Variants in LRRC37A2 observed in about 807,000 individuals in gnomAD.
LRRC37A2 encodes the protein leucine rich repeat containing 37 member A2.
In LRRC37A2, 9 loss-of-function variants were observed where a neutral mutation model predicts 68.8. That is an observed-to-expected ratio of 0.13 (90% CI 0.08 to 0.23). LRRC37A2 has a LOEUF of 0.23. Among genes scored for constraint, LRRC37A2 ranks in the 10% least tolerant of loss-of-function variants. LRRC37A2 has a pLI of 1.00. For synonymous variants in LRRC37A2, 63 were observed against 367.6 expected (o/e 0.17, Z 9.48); for missense variants, 168 against 950.4 (o/e 0.18, Z 10.82).
chr17:46,965,803 T>A, the LRRC37A2 span, among the ~76,000 whole-genome samples: 1 of 151,708 alleles, frequency 6.6e-6, no homozygotes, highest in South Asian at 2.1e-4. Context: ...TTGTATTTTT[T>A]TTTTTTTTGT....
chr17:47,033,979 A>G, the LRRC37A2 span, among the ~76,000 whole-genome samples: 1 of 152,224 alleles, frequency 6.6e-6, no homozygotes, highest in South Asian at 2.1e-4. Flanking sequence ...AGTGCACCTT[A>G]GTTTAATGTA....
chr17:46,431,981 G>A, the LRRC37A2 span, among the ~76,000 whole-genome samples: 2 of 13,962 alleles, frequency 1.4e-4, no homozygotes, highest in African/African-American at 1.6e-4. Context: ...GTTTTCTCCC[G>A]CGTTACTCCC....
chr17:46,882,401 C>T, the LRRC37A2 span, among the ~76,000 whole-genome samples: 1 of 152,154 alleles, frequency 6.6e-6, no homozygotes, highest in Non-Finnish European at 1.5e-5. Flanking sequence ...AACATTTTGG[C>T]AATAAGCTGC....
At chr17:46,859,086 T>C in the LRRC37A2 span, among the ~76,000 whole-genome samples, 3,702 of 150,700 alleles carry the variant, frequency 0.025, 152 homozygotes, top group African/African-American at 0.086. Flanking sequence ...AAGTGATTCT[T>C]CTGACTCAGC....
At chr17:47,027,750 C>T in the LRRC37A2 span, 1 of 556,204 alleles carries the variant, frequency 1.8e-6, no homozygotes, top group Non-Finnish European at 3.3e-6. Context: ...AATTATACAG[C>T]AAATCCTTTT....
At chr17:46,879,586 GGCCACATTACTGTGGC>G in the LRRC37A2 span, among the ~76,000 whole-genome samples, 1 of 152,172 alleles carries the variant, frequency 6.6e-6, no homozygotes, top group African/African-American at 2.4e-5. Context: ...AGGTAGGTGG[GGCCACATTACTGTGGC>G]CATTTTATAG....
the LRRC37A2 span, chr17:46,763,186 A>G: frequency 3.3e-5 from 5 of 152,024 alleles, no homozygotes; most frequent in African/African-American, 1.2e-4. Flanking sequence ...GAGAAAGAAA[A>G]ATCTTTGTTC....
At chr17:46,802,509 C>T in the LRRC37A2 span, among the ~76,000 whole-genome samples, 1 of 152,154 alleles carries the variant, frequency 6.6e-6, no homozygotes. Flanking sequence ...CTCAGATGAT[C>T]CACCTGCCTC....
the LRRC37A2 span, among the ~76,000 whole-genome samples, chr17:46,887,920 A>G: frequency 1.3e-5 from 2 of 152,132 alleles, no homozygotes; most frequent in African/African-American, 4.8e-5. Context: ...AGACAGATAA[A>G]CAAGTCATCA....
At chr17:46,953,996 G>T in the LRRC37A2 span, among the ~76,000 whole-genome samples, 78 of 152,162 alleles carry the variant, frequency 5.1e-4, no homozygotes, top group African/African-American at 1.4e-3. Flanking sequence ...GCCTGTTCAC[G>T]CTGATGGTAG....
the LRRC37A2 span, among the ~76,000 whole-genome samples, chr17:46,715,431 A>G: frequency 6.6e-6 from 1 of 152,188 alleles, no homozygotes; most frequent in South Asian, 2.1e-4. Context: ...TAGCTGTTGA[A>G]TGTCCCATTT....
chr17:46,765,955 A>G, the LRRC37A2 span, among the ~76,000 whole-genome samples: 4 of 152,248 alleles, frequency 2.6e-5, no homozygotes. Context: ...CACTGGTCAC[A>G]GAGTGAGGCC....
At chr17:46,989,073 G>A in the LRRC37A2 span, among the ~76,000 whole-genome samples, 63 of 152,144 alleles carry the variant, frequency 4.1e-4, no homozygotes, top group Non-Finnish European at 7.6e-4. Context: ...ACCCCTGCTC[G>A]AGCATAGGAA....
the LRRC37A2 span, among the ~76,000 whole-genome samples, chr17:46,820,520 A>G: frequency 2.2e-4 from 34 of 152,182 alleles, no homozygotes; most frequent in South Asian, 6.9e-3. Flanking sequence ...CAAGGCGAAG[A>G]AAAATCGTGA....
At chr17:46,809,383 A>G in the LRRC37A2 span, among the ~76,000 whole-genome samples, 1 of 152,206 alleles carries the variant, frequency 6.6e-6, no homozygotes, top group East Asian at 1.9e-4. Context: ...CTGGCAGATA[A>G]GTGGGACTCT....
At chr17:46,943,166 C>G in the LRRC37A2 span, among the ~76,000 whole-genome samples, 280 of 152,290 alleles carry the variant, frequency 1.8e-3, no homozygotes, top group African/African-American at 6.3e-3. Context: ...CATGCACTTC[C>G]CCTGGCCGCA....
the LRRC37A2 span, among the ~76,000 whole-genome samples, chr17:47,014,947 T>G: frequency 1.3e-5 from 2 of 151,814 alleles, no homozygotes; most frequent in South Asian, 2.1e-4. Context: ...ACCACATATA[T>G]GATGGTGGTT....
chr17:46,961,042 AGGTG>A, the LRRC37A2 span, among the ~76,000 whole-genome samples: 1 of 152,196 alleles, frequency 6.6e-6, no homozygotes, highest in African/African-American at 2.4e-5. Flanking sequence ...AAAAAAAACA[AGGTG>A]GGAATAAAAT....
chr17:46,845,438 T>C, the LRRC37A2 span, among the ~76,000 whole-genome samples: 1 of 151,726 alleles, frequency 6.6e-6, no homozygotes, highest in African/African-American at 2.4e-5. Context: ...ATATGTCACC[T>C]GACATACATG....
Sources: gnomAD v4.1 joint callset for allele counts (sites outside exome capture counted in the v4.1 genomes callset) on GRCh38, gnomAD v4.1.1 for gene constraint, MANE v1.5 for transcripts, NCBI Gene and HGNC (gene_info 2026-07-23, HGNC 2026-07-21) for gene names.